The following ATXN7 variants were observed in gnomAD, a reference collection of about 807,000 sequenced individuals.
ATXN7 encodes ataxin-7.
A neutral mutation model predicts 70.5 loss-of-function variants in ATXN7; 12 were observed. The observed-to-expected ratio is 0.17, with a 90% CI of 0.11 to 0.28. The LOEUF (loss-of-function observed/expected upper bound fraction) is 0.28, where lower values mean the gene tolerates loss of function less well. Ranked by LOEUF, ATXN7 falls within the 10% of genes least tolerant of loss-of-function variation. The pLI is 1.00. For missense variants in ATXN7, 1,256 were observed against 1,131.7 expected (o/e 1.11, Z -1.58); for synonymous variants, 498 against 448.7 (o/e 1.11, Z -1.39).
chr3:63,926,028 C>T (rs912247523), intron 4 of ATXN7, among the ~76,000 whole-genome samples: 5 of 152,192 alleles, frequency 3.3e-5, no homozygotes, highest in Non-Finnish European at 7.3e-5. Context: ...AATGTGAAAT[C>T]CCCAAGTTTC....
At chr3:63,918,438 C>G (rs1412602037) in intron 4 of ATXN7, among the ~76,000 whole-genome samples, 1 of 152,164 alleles carries the variant, frequency 6.6e-6, no homozygotes, top group African/African-American at 2.4e-5. Flanking sequence ...TCAACTGTTT[C>G]TTATGAACAA....
rs571642439 is a variant in ATXN7 at position 63,916,905 on chromosome 3, TTTGTTG to T, written c.394+3692_394+3697del. 1.4e-3 allele frequency among the ~76,000 whole-genome samples: 216 copies of T among 152,228 alleles called. 1 individual carries two copies. The highest frequency in any genetic ancestry group is 4.2e-3 in the African/African-American group (174 of 41,528). On this transcript the variant is annotated intron_variant, in intron 4 of 12. Coordinates refer to ENST00000674280, the MANE Select transcript of ATXN7 (RefSeq NM_001377405.1). ...AGAAATTGGTAATACATTTTGACTT[TTTGTTG>T]TTGTTGTTGTTATTGTTGTTGAGAT... is the stretch of plus-strand genomic sequence containing the variant.
intron 12 of ATXN7, 200 bp from the exon 13 acceptor site, chr3:63,999,250 C>T: frequency 1.8e-6 from 1 of 546,832 alleles, no homozygotes; most frequent in Non-Finnish European, 3.3e-6. Context: ...TGAATCTTTG[C>T]AATGATTGTG....
At chr3:63,921,597 C>G (rs1704514621) in intron 4 of ATXN7, among the ~76,000 whole-genome samples, 1 of 152,166 alleles carries the variant, frequency 6.6e-6, no homozygotes, top group South Asian at 2.1e-4. Flanking sequence ...AACCCTGTTT[C>G]TGTGTGCTCT....
At chr3:63,878,289 A>G (rs1702803338) in intron 1 of ATXN7, among the ~76,000 whole-genome samples, 1 of 152,218 alleles carries the variant, frequency 6.6e-6, no homozygotes, top group Non-Finnish European at 1.5e-5. Context: ...ACCCTGGAGA[A>G]GTAGGAGGCA....
At chr3:63,901,973 G>T (rs1211317514) in intron 2 of ATXN7, 1 of 152,292 alleles carries the variant, frequency 6.6e-6, no homozygotes, top group South Asian at 2.1e-4. Context: ...GTGGTTTTCG[G>T]GGGTTGGGGA....
At chr3:63,921,178 G>A (rs1286274175) in intron 4 of ATXN7, among the ~76,000 whole-genome samples, 1 of 152,116 alleles carries the variant, frequency 6.6e-6, no homozygotes. Context: ...AGCATGAAAT[G>A]TTTTTTTCTC....
At chr3:63,962,615 G>C (rs940111204) in intron 5 of ATXN7, among the ~76,000 whole-genome samples, 2 of 151,966 alleles carry the variant, frequency 1.3e-5, no homozygotes, top group Non-Finnish European at 2.9e-5. Flanking sequence ...ATGTTGGCCA[G>C]GCTGGTCTTG....
At chr3:63,874,924 T>G (rs909116258) in intron 1 of ATXN7, among the ~76,000 whole-genome samples, 2 of 152,074 alleles carry the variant, frequency 1.3e-5, no homozygotes, top group African/African-American at 4.8e-5. Flanking sequence ...GCCAGCAGAT[T>G]GTGTGTCTGA....
At chr3:63,956,808 C>T (rs1395567681) in intron 5 of ATXN7, among the ~76,000 whole-genome samples, 3 of 152,096 alleles carry the variant, frequency 2.0e-5, no homozygotes, top group Admixed American at 6.5e-5. Flanking sequence ...GAAGGGAGGC[C>T]CCTACTTTTT....
chr3:63,949,720 T>C (rs1037872915), intron 4 of ATXN7, among the ~76,000 whole-genome samples: 3 of 152,082 alleles, frequency 2.0e-5, no homozygotes, highest in African/African-American at 7.2e-5. Context: ...TTTCATAGGG[T>C]AGAATGAACT....
intron 5 of ATXN7, among the ~76,000 whole-genome samples, chr3:63,961,896 C>G (rs1202211405): frequency 6.6e-6 from 1 of 152,090 alleles, no homozygotes. Flanking sequence ...TTTATATTTT[C>G]TAAAAAGTAC....
At chr3:63,899,061 CT>C (rs34396635) in intron 2 of ATXN7, among the ~76,000 whole-genome samples, 6 of 147,554 alleles carry the variant, frequency 4.1e-5, no homozygotes, top group East Asian at 2.0e-4. Context: ...AATGGAGTGT[CT>C]TTTTTTTTTT....
intron 1 of ATXN7, among the ~76,000 whole-genome samples, chr3:63,874,826 CTAACAA>C (rs1412079117): frequency 6.6e-6 from 1 of 152,188 alleles, no homozygotes; most frequent in Non-Finnish European, 1.5e-5. Flanking sequence ...TCAGGCTACT[CTAACAA>C]GATACCATAA....
intron 5 of ATXN7, among the ~76,000 whole-genome samples, chr3:63,968,852 C>T (rs536081743): frequency 6.6e-6 from 1 of 152,014 alleles, no homozygotes; most frequent in Non-Finnish European, 1.5e-5. Context: ...AGATTTCATG[C>T]CTTGTGTAAT....
At chr3:63,869,315 A>T (rs964965127) in intron 1 of ATXN7, among the ~76,000 whole-genome samples, 1 of 152,224 alleles carries the variant, frequency 6.6e-6, no homozygotes, top group African/African-American at 2.4e-5. Flanking sequence ...AATGCAAAAA[A>T]GTTTTGCTTA....
chr3:63,916,684 G>A (rs535065101), intron 4 of ATXN7, among the ~76,000 whole-genome samples: 39 of 152,232 alleles, frequency 2.6e-4, no homozygotes, highest in Non-Finnish European at 5.0e-4. Flanking sequence ...GATTTAGATG[G>A]AGGGAAATTA....
intron 1 of ATXN7, among the ~76,000 whole-genome samples, chr3:63,885,631 T>G (rs1168447531): frequency 6.6e-6 from 1 of 152,216 alleles, no homozygotes; most frequent in Non-Finnish European, 1.5e-5. Flanking sequence ...CACAGAGGTA[T>G]CTGCACTCCC....
At chr3:63,983,085 C>G in intron 8 of ATXN7, 64 bp downstream of exon 8, 1 of 1,223,846 alleles carries the variant, frequency 8.2e-7, no homozygotes, top group Non-Finnish European at 1.2e-6. Flanking sequence ...GGATGTACCA[C>G]ACTACTCCCA....
Sources: gnomAD v4.1 joint callset for allele counts (sites outside exome capture counted in the v4.1 genomes callset) on GRCh38, gnomAD v4.1.1 for gene constraint, MANE v1.5 for transcripts, NCBI Gene and HGNC (gene_info 2026-07-23, HGNC 2026-07-21) for gene names.